Variants in CTNND2 observed in about 807,000 individuals in gnomAD.
CTNND2 encodes the protein catenin delta 2.
CTNND2 carries 22 observed loss-of-function variants against 144.4 expected under a neutral mutation model. The ratio of observed to expected loss-of-function variants is 0.15; its 90% CI spans 0.11 to 0.22. The LOEUF (loss-of-function observed/expected upper bound fraction) is 0.22. CTNND2 is among the 10% of genes least tolerant of loss of function. The probability of loss-of-function intolerance (pLI) is 1.00; values close to 1 mark genes in which losing one functional copy is unlikely to be tolerated. For synonymous variants in CTNND2, 751 were observed against 695.6 expected, an observed-to-expected ratio of 1.08 and a Z score of -1.25; for missense variants, 1,353 against 1,618.8, an observed-to-expected ratio of 0.84 and a Z score of 2.82.
At chr5:11,240,564 A>ACCC (rs1742256937) in intron 9 of CTNND2, among the ~76,000 whole-genome samples, 2 of 83,178 alleles carry the variant, frequency 2.4e-5, no homozygotes, top group Admixed American at 1.2e-4. Flanking sequence ...ACACACTCAA[A>ACCC]ACACACACCC....
At chr5:11,153,115 T>A (rs1757898974) in intron 12 of CTNND2, among the ~76,000 whole-genome samples, 1 of 151,852 alleles carries the variant, frequency 6.6e-6, no homozygotes, top group Non-Finnish European at 1.5e-5. Flanking sequence ...AATACAAAAA[T>A]TAGCTGGGTG....
intron 19 of CTNND2, among the ~76,000 whole-genome samples, chr5:10,989,890 A>C (rs1738471819): frequency 6.6e-6 from 1 of 152,330 alleles, no homozygotes; most frequent in African/African-American, 2.4e-5. Flanking sequence ...AAACCTATCA[A>C]AATAAAATCA....
chr5:11,540,989 A>G (rs1341137245), intron 3 of CTNND2, among the ~76,000 whole-genome samples: 1 of 152,198 alleles, frequency 6.6e-6, no homozygotes, highest in Non-Finnish European at 1.5e-5. Context: ...CTCAGGACTT[A>G]GCCCTTTGAC....
intron 1 of CTNND2, among the ~76,000 whole-genome samples, chr5:11,882,431 C>T (rs1036644732): frequency 7.2e-5 from 11 of 151,942 alleles, no homozygotes; most frequent in African/African-American, 2.4e-4. Flanking sequence ...TAGTTTTATT[C>T]TTCTGCAGAA....
chr5:11,044,339 T>TTA, intron 16 of CTNND2, among the ~76,000 whole-genome samples: 1 of 152,282 alleles, frequency 6.6e-6, no homozygotes, highest in East Asian at 1.9e-4. Flanking sequence ...GACAAGTAGC[T>TTA]TAACTATTAT....
rs61757510 is a variant in CTNND2 at position 11,497,909 on chromosome 5, G to A, written c.287+67035C>T. 3.8e-3 allele frequency among the ~76,000 whole-genome samples: 573 copies of A among 152,258 alleles called. 4 individuals carry two copies. The highest frequency in any genetic ancestry group is 0.013 in the African/African-American group (537 of 41,552). On this transcript the variant is annotated intron_variant, in intron 3 of 21. Transcript: ENST00000304623. ...TAATGTGATTCAGCCAATGGGATGTGAGAGGATGTGACATGAGGCATCAGA... is the reference window on the plus strand; with the variant it reads ...TAATGTGATTCAGCCAATGGGATGTAAGAGGATGTGACATGAGGCATCAGA...
chr5:11,756,477 T>C (rs914955077), intron 1 of CTNND2, among the ~76,000 whole-genome samples: 3 of 151,746 alleles, frequency 2.0e-5, no homozygotes, highest in African/African-American at 7.2e-5. Flanking sequence ...GGCTTTCAAA[T>C]ATTCAAACAA....
intron 3 of CTNND2, among the ~76,000 whole-genome samples, chr5:11,437,528 T>C (rs31824): frequency 0.11 from 16,326 of 152,194 alleles, 2,719 homozygotes; most frequent in African/African-American, 0.35. Context: ...GGAGAGATGA[T>C]GTGAGAACTA....
intron 1 of CTNND2, among the ~76,000 whole-genome samples, chr5:11,824,128 A>G (rs115524471): frequency 0.01 from 1,518 of 151,194 alleles, 15 homozygotes; most frequent in African/African-American, 0.031. Flanking sequence ...GGTGAAACTC[A>G]ATTTAAATAC....
chr5:11,013,723 G>A (rs971183690), intron 18 of CTNND2, among the ~76,000 whole-genome samples: 1 of 152,218 alleles, frequency 6.6e-6, no homozygotes, highest in African/African-American at 2.4e-5. Flanking sequence ...CATTTGGGAA[G>A]AAAATGACTG....
At chr5:11,377,241 G>C (rs1758028491) in intron 7 of CTNND2, among the ~76,000 whole-genome samples, 1 of 151,782 alleles carries the variant, frequency 6.6e-6, no homozygotes, top group Non-Finnish European at 1.5e-5. Flanking sequence ...TTTTTTAGTA[G>C]AGACAGGGTT....
At chr5:11,862,530 A>G (rs1795550674) in intron 1 of CTNND2, among the ~76,000 whole-genome samples, 1 of 152,184 alleles carries the variant, frequency 6.6e-6, no homozygotes, top group African/African-American at 2.4e-5. Context: ...GAAACTAGAA[A>G]ACTTGATGCA....
At chr5:11,427,227 A>G (rs1762855472) in intron 3 of CTNND2, among the ~76,000 whole-genome samples, 1 of 151,988 alleles carries the variant, frequency 6.6e-6, no homozygotes, top group Non-Finnish European at 1.5e-5. Flanking sequence ...AAGAAAGGAG[A>G]AAAGCCTTAG....
intron 3 of CTNND2, among the ~76,000 whole-genome samples, chr5:11,419,073 G>T (rs566388022): frequency 0.12 from 15,754 of 129,098 alleles, 2,242 homozygotes; most frequent in African/African-American, 0.37. Context: ...TATATATAGA[G>T]AGAGAGAGAA....
chr5:11,174,171 G>T (rs1371767391), intron 11 of CTNND2, among the ~76,000 whole-genome samples: 4 of 152,130 alleles, frequency 2.6e-5, no homozygotes, highest in Admixed American at 2.6e-4. Context: ...CTCCAGTTTG[G>T]GATGTGTTAA....
intron 12 of CTNND2, among the ~76,000 whole-genome samples, chr5:11,129,726 C>G (rs1010672927): frequency 6.6e-6 from 1 of 152,060 alleles, no homozygotes; most frequent in African/African-American, 2.4e-5. Flanking sequence ...CATGAGTACA[C>G]TGGATTATAA....
intron 1 of CTNND2, among the ~76,000 whole-genome samples, chr5:11,751,107 T>G (rs1393296629): frequency 1.3e-5 from 2 of 151,860 alleles, no homozygotes; most frequent in Non-Finnish European, 2.9e-5. Context: ...GGGAAACCAT[T>G]AAATAATTTA....
chr5:11,860,513 A>G (rs1795452294), intron 1 of CTNND2, among the ~76,000 whole-genome samples: 3 of 152,204 alleles, frequency 2.0e-5, no homozygotes. Context: ...AATTATAGCT[A>G]AGATTCTATA....
At chr5:11,242,183 A>G (rs780761568) in intron 9 of CTNND2, among the ~76,000 whole-genome samples, 2 of 152,236 alleles carry the variant, frequency 1.3e-5, no homozygotes, top group Non-Finnish European at 2.9e-5. Flanking sequence ...CAGGAAGATA[A>G]TAATCTCCAG....
Sources: gnomAD v4.1 joint callset for allele counts (sites outside exome capture counted in the v4.1 genomes callset) on GRCh38, gnomAD v4.1.1 for gene constraint, MANE v1.5 for transcripts, NCBI Gene and HGNC (gene_info 2026-07-23, HGNC 2026-07-21) for gene names.